PTPRN2: variants seen among roughly 807,000 people sequenced by gnomAD.
PTPRN2 encodes the protein protein tyrosine phosphatase receptor type N2, also known as receptor-type tyrosine-protein phosphatase N2.
PTPRN2 carries 74 observed loss-of-function variants against 118.8 expected under a neutral mutation model. That is an observed-to-expected ratio of 0.62 (90% confidence interval 0.52 to 0.76). The LOEUF is 0.76. Ranked by LOEUF, PTPRN2 falls within the 30% of genes least tolerant of loss-of-function variation. The probability of loss-of-function intolerance (pLI) is 0.00; values close to 1 mark genes in which losing one functional copy is unlikely to be tolerated. For synonymous variants in PTPRN2, 641 were observed against 608.0 expected (o/e 1.05, Z -0.80); for missense variants, 1,481 against 1,394.4 (o/e 1.06, Z -0.99).
intron 11 of PTPRN2, among the ~76,000 whole-genome samples, chr7:158,035,374 C>T (rs151073499): frequency 1.7e-3 from 252 of 152,210 alleles, no homozygotes; most frequent in African/African-American, 5.7e-3. Context: ...CATTAGTAAA[C>T]GTGAAAGGAA....
chr7:158,065,010 G>A (rs1415710725), intron 11 of PTPRN2, among the ~76,000 whole-genome samples: 1 of 152,238 alleles, frequency 6.6e-6, no homozygotes, highest in African/African-American at 2.4e-5. Context: ...TAATCCAGGG[G>A]AAGAAAGGCA....
chr7:158,062,870 T>C (rs1034836262), intron 11 of PTPRN2, among the ~76,000 whole-genome samples: 1 of 152,142 alleles, frequency 6.6e-6, no homozygotes. Context: ...CATGGGCTCC[T>C]GTGCGGCCTG....
At chr7:158,527,314 G>A (rs1824862295) in intron 1 of PTPRN2, among the ~76,000 whole-genome samples, 1 of 150,876 alleles carries the variant, frequency 6.6e-6, no homozygotes, top group South Asian at 2.1e-4. Context: ...CCCGCCACCG[G>A]AGCCACTTCA....
At chr7:158,143,658 T>C (rs573059622) in intron 6 of PTPRN2, among the ~76,000 whole-genome samples, 1 of 151,882 alleles carries the variant, frequency 6.6e-6, no homozygotes, top group Non-Finnish European at 1.5e-5. Flanking sequence ...ATCAGGTGAG[T>C]GGGGCAGGAG....
chr7:157,754,099 C>T (rs1801643973), intron 12 of PTPRN2, among the ~76,000 whole-genome samples: 1 of 152,238 alleles, frequency 6.6e-6, no homozygotes, highest in African/African-American at 2.4e-5. Context: ...GGAGCTGCAA[C>T]TCCGAGGAGT....
chr7:158,124,130 G>A (rs972081837), intron 9 of PTPRN2, among the ~76,000 whole-genome samples: 1 of 152,240 alleles, frequency 6.6e-6, no homozygotes, highest in Non-Finnish European at 1.5e-5. Flanking sequence ...AGAAAGTTGG[G>A]TGTACACAGC....
intron 21 of PTPRN2, among the ~76,000 whole-genome samples, chr7:157,557,366 G>C (rs896861980): frequency 6.6e-6 from 1 of 151,584 alleles, no homozygotes; most frequent in Non-Finnish European, 1.5e-5. Flanking sequence ...CTACATTCAG[G>C]ATCACACACA....
chr7:158,445,924 G>A (rs564948277), intron 2 of PTPRN2, among the ~76,000 whole-genome samples: 1 of 152,166 alleles, frequency 6.6e-6, no homozygotes, highest in Non-Finnish European at 1.5e-5. Context: ...AAACCCCGGC[G>A]CCCAGGTGAG....
At chr7:158,249,397 C>A (rs973651058) in intron 3 of PTPRN2, among the ~76,000 whole-genome samples, 2 of 150,454 alleles carry the variant, frequency 1.3e-5, no homozygotes, top group East Asian at 3.9e-4. Context: ...ATCTACCACA[C>A]CTGCACGCAC....
intron 11 of PTPRN2, among the ~76,000 whole-genome samples, chr7:158,044,591 G>C (rs905156568): frequency 2.0e-5 from 3 of 147,790 alleles, no homozygotes; most frequent in African/African-American, 8.0e-5. Flanking sequence ...TCGATCATTT[G>C]TAAAGACTCT....
intron 11 of PTPRN2, among the ~76,000 whole-genome samples, chr7:158,001,676 A>T (rs146531558): frequency 6.6e-6 from 1 of 152,294 alleles, no homozygotes; most frequent in Non-Finnish European, 1.5e-5. Flanking sequence ...CCGCCCTGTC[A>T]TGATGCCAAC....
At chr7:158,294,943 CCTTT>C (rs1213219878) in intron 3 of PTPRN2, among the ~76,000 whole-genome samples, 1 of 140,090 alleles carries the variant, frequency 7.1e-6, no homozygotes, top group African/African-American at 2.8e-5. Context: ...GGTTCACCCA[CCTTT>C]CTGAGGGTCC....
chr7:158,035,445 A>G (rs901276585), intron 11 of PTPRN2, among the ~76,000 whole-genome samples: 1 of 152,228 alleles, frequency 6.6e-6, no homozygotes, highest in African/African-American at 2.4e-5. Context: ...AAGAGCAGGC[A>G]AGGGAGGCAG....
rs896951394 is a variant in PTPRN2, at chr7:157,761,625, T to C, written c.1789-78688A>G. ...CAAGATGGATTAAAGACTTAAACAT[T>C]AGACCTAAAACCATAAAAACCCTAG... On this transcript the variant is annotated intron_variant, in intron 12 of 22. Coordinates refer to ENST00000389418, the MANE Select transcript of PTPRN2 (RefSeq NM_002847.5). Among the ~76,000 whole-genome samples, 22 of 147,888 alleles carry C rather than the reference T, an allele frequency of 1.5e-4. 2 individuals are homozygous for C. The highest frequency in any genetic ancestry group is 2.4e-4 in the Non-Finnish European group (16 of 67,084).
intron 3 of PTPRN2, among the ~76,000 whole-genome samples, chr7:158,293,786 C>T (rs2151026827): frequency 6.6e-6 from 1 of 151,160 alleles, no homozygotes; most frequent in Admixed American, 6.6e-5. Flanking sequence ...CACAAACACA[C>T]ACCCTAGCCT....
intron 12 of PTPRN2, among the ~76,000 whole-genome samples, chr7:157,702,116 G>A (rs1308635278): frequency 1.3e-5 from 2 of 148,372 alleles, no homozygotes; most frequent in Non-Finnish European, 3.0e-5. Context: ...TAACTGTTGC[G>A]GGCTCTGCCT....
intron 2 of PTPRN2, among the ~76,000 whole-genome samples, chr7:158,333,327 CTG>C (rs1478721894): frequency 5.8e-5 from 5 of 85,542 alleles, no homozygotes; most frequent in South Asian, 8.5e-4. Context: ...CACACCCACA[CTG>C]TCACCATAAG....
At position 157,676,253 on chromosome 7, in the gene PTPRN2, T is replaced by C. The variant is rs932401133; in HGVS notation, c.2001+6472A>G. Among the ~76,000 whole-genome samples the C allele has an allele frequency of 6.6e-6, 1 of 152,114 alleles. No individual in the cohort carries two copies. Among genetic ancestry groups the C allele is most frequent in the South Asian group, 2.1e-4 (1 of 4,818 alleles). Reference sequence around the variant, plus strand: ...CTGCAAATGCCCACCCTCTTGGGTCTGTCCCTACCCTGCAGATGGCTCCAG... The same window carrying C: ...CTGCAAATGCCCACCCTCTTGGGTCCGTCCCTACCCTGCAGATGGCTCCAG... On this transcript the variant is annotated intron_variant, in intron 13 of 22. Transcript: ENST00000389418. The surrounding 1 kb of genome is among the most constrained non-coding windows in gnomAD (Gnocchi z 5.6).
intron 9 of PTPRN2, among the ~76,000 whole-genome samples, chr7:158,118,459 A>C (rs562332244): frequency 1.2e-3 from 177 of 152,346 alleles, no homozygotes; most frequent in Non-Finnish European, 2.2e-3. Flanking sequence ...CTAAACACAA[A>C]AGAAGATAGT....
Sources: allele counts gnomAD v4.1 joint callset (sites outside exome capture counted in the v4.1 genomes callset), GRCh38; gene constraint gnomAD v4.1.1; non-coding constraint Gnocchi (gnomAD v3.1); transcripts MANE v1.5; gene names NCBI Gene and HGNC (gene_info 2026-07-23, HGNC 2026-07-21).